The following ANKS1B variants were observed in gnomAD, a reference collection of about 807,000 sequenced individuals.
The protein encoded by ANKS1B is ankyrin repeat and sterile alpha motif domain-containing protein 1B.
ANKS1B carries 36 observed loss-of-function variants against 148.3 expected under a neutral mutation model. The observed-to-expected ratio is 0.24, with a 90% CI of 0.19 to 0.32. The LOEUF (loss-of-function observed/expected upper bound fraction) is 0.32. Ranked by LOEUF, ANKS1B falls within the 10% of genes least tolerant of loss-of-function variation. The pLI, the probability that ANKS1B is intolerant of heterozygous loss-of-function variation, is 1.00. For synonymous variants in ANKS1B, 542 were observed against 560.8 expected (o/e 0.97, Z 0.47); for missense variants, 1,157 against 1,542.6 (o/e 0.75, Z 4.19).
intron 17 of ANKS1B, among the ~76,000 whole-genome samples, chr12:99,046,827 A>G (rs7956026): frequency 6.8e-6 from 1 of 146,710 alleles, no homozygotes; most frequent in Admixed American, 6.8e-5. Context: ...GAAAAAAAAA[A>G]GAAAAAGAAA....
intron 10 of ANKS1B, among the ~76,000 whole-genome samples, chr12:99,500,721 G>A (rs1245645148): frequency 6.6e-6 from 1 of 152,152 alleles, no homozygotes; most frequent in Non-Finnish European, 1.5e-5. Flanking sequence ...CACTATCTTA[G>A]CAATTATTGT....
intron 12 of ANKS1B, among the ~76,000 whole-genome samples, chr12:99,262,621 T>C (rs1021119141): frequency 2.0e-5 from 3 of 152,052 alleles, no homozygotes; most frequent in Admixed American, 6.6e-5. Flanking sequence ...CTTTTGTTTT[T>C]TATGGACATT....
chr12:99,007,290 G>A (rs993855825), intron 17 of ANKS1B, among the ~76,000 whole-genome samples: 1 of 152,172 alleles, frequency 6.6e-6, no homozygotes, highest in African/African-American at 2.4e-5. Flanking sequence ...TTGGTAAGTT[G>A]GAAAATATGT....
At chr12:99,640,160 A>G (rs1420231518) in intron 9 of ANKS1B, among the ~76,000 whole-genome samples, 2 of 152,152 alleles carry the variant, frequency 1.3e-5, no homozygotes, top group East Asian at 3.9e-4. Context: ...TGAGAGAGCA[A>G]AACTCCATCT....
At chr12:98,923,068 T>C (rs1157703787) in intron 17 of ANKS1B, among the ~76,000 whole-genome samples, 1 of 152,100 alleles carries the variant, frequency 6.6e-6, no homozygotes, top group Non-Finnish European at 1.5e-5. Context: ...GAGAGGTGTC[T>C]GGGTCATAGA....
chr12:99,585,301 G>T (rs2097620402), intron 9 of ANKS1B, among the ~76,000 whole-genome samples: 1 of 152,146 alleles, frequency 6.6e-6, no homozygotes, highest in Non-Finnish European at 1.5e-5. Flanking sequence ...GCTCCAAAAT[G>T]ATCTCCTTTG....
In ANKS1B at chr12:99,335,874, T is replaced by C. The variant is rs61106453; in HGVS notation, c.1756+63757A>G. 7.0e-3 allele frequency among the ~76,000 whole-genome samples: 1,064 copies of C among 152,278 alleles called. 13 individuals carry two copies. The highest frequency in any genetic ancestry group is 0.024 in the African/African-American group (1,010 of 41,566). On this transcript the variant is annotated intron_variant, in intron 12 of 26. Coordinates refer to ENST00000683438, the MANE Select transcript of ANKS1B (RefSeq NM_001352186.2). Reference sequence around the variant, plus strand: ...ACTAATTTCCTTTCCTTGGGGAATATACTTAGCAATGGGATTTCTGGATCA... The same window carrying C: ...ACTAATTTCCTTTCCTTGGGGAATACACTTAGCAATGGGATTTCTGGATCA...
At chr12:99,029,566 T>A (rs1437071017) in intron 17 of ANKS1B, among the ~76,000 whole-genome samples, 1 of 152,142 alleles carries the variant, frequency 6.6e-6, no homozygotes, top group Non-Finnish European at 1.5e-5. Flanking sequence ...GGGTAAGCGG[T>A]GAGGAAAGTG....
chr12:99,725,912 GA>G (rs2058570500), intron 8 of ANKS1B, among the ~76,000 whole-genome samples: 1 of 152,118 alleles, frequency 6.6e-6, no homozygotes, highest in Non-Finnish European at 1.5e-5. Context: ...GGTAAATAAT[GA>G]AATTAAGGCA....
chr12:99,323,224 G>A (rs2085649485), intron 12 of ANKS1B, among the ~76,000 whole-genome samples: 1 of 152,110 alleles, frequency 6.6e-6, no homozygotes. Context: ...CTTCATTTGA[G>A]CCCTACCTAT....
At chr12:99,387,402 G>T (rs1300754865) in intron 12 of ANKS1B, among the ~76,000 whole-genome samples, 1 of 152,136 alleles carries the variant, frequency 6.6e-6, no homozygotes, top group East Asian at 1.9e-4. Flanking sequence ...TGGATCACAA[G>T]GTCAGGAGAT....
At chr12:99,449,124 T>G (rs1167103430) in intron 10 of ANKS1B, among the ~76,000 whole-genome samples, 4 of 152,140 alleles carry the variant, frequency 2.6e-5, no homozygotes, top group Non-Finnish European at 5.9e-5. Context: ...ATCAAGTATA[T>G]GATGTCAGTA....
At chr12:99,271,983 T>C (rs2077101194) in intron 12 of ANKS1B, among the ~76,000 whole-genome samples, 1 of 152,082 alleles carries the variant, frequency 6.6e-6, no homozygotes, top group Non-Finnish European at 1.5e-5. Context: ...AACTTTCAGA[T>C]ATCAGATGTT....
intron 12 of ANKS1B, among the ~76,000 whole-genome samples, chr12:99,359,710 A>T (rs2092329040): frequency 6.6e-6 from 1 of 152,188 alleles, no homozygotes; most frequent in African/African-American, 2.4e-5. Context: ...CATTTTGACC[A>T]AATATGCCTA....
chr12:98,969,243 C>T (rs2099881179), intron 17 of ANKS1B, among the ~76,000 whole-genome samples: 1 of 152,110 alleles, frequency 6.6e-6, no homozygotes, highest in African/African-American at 2.4e-5. Flanking sequence ...ACAGAAACCA[C>T]CCAAATGAAC....
chr12:99,960,298 AG>A, intron 1 of ANKS1B, among the ~76,000 whole-genome samples: 1 of 152,216 alleles, frequency 6.6e-6, no homozygotes, highest in East Asian at 1.9e-4. Flanking sequence ...ATGCGAGGTA[AG>A]GTTTCCTTAT....
intron 8 of ANKS1B, among the ~76,000 whole-genome samples, chr12:99,753,867 C>T (rs1028432489): frequency 7.2e-5 from 11 of 151,820 alleles, no homozygotes; most frequent in Non-Finnish European, 1.6e-4. Context: ...TCTAAAAATA[C>T]AAAAAATCAG....
At chr12:99,825,432 T>C (rs2083060539) in intron 1 of ANKS1B, 43 bp from the exon 2 acceptor site, 1 of 1,505,880 alleles carries the variant, frequency 6.6e-7, no homozygotes, top group Non-Finnish European at 9.1e-7. Flanking sequence ...TGAAGCCAGA[T>C]CTTGCCTTGA....
chr12:99,962,860 C>T (rs1026504115), intron 1 of ANKS1B, among the ~76,000 whole-genome samples: 3 of 144,322 alleles, frequency 2.1e-5, no homozygotes, highest in Non-Finnish European at 4.5e-5. Context: ...GTCGCCCAGG[C>T]TGGAGTGCAG....
Sources: allele counts gnomAD v4.1 joint callset (sites outside exome capture counted in the v4.1 genomes callset), GRCh38; gene constraint gnomAD v4.1.1; transcripts MANE v1.5; gene names NCBI Gene and HGNC (gene_info 2026-07-23, HGNC 2026-07-21).